The following CREB5 variants were observed in gnomAD, a reference collection of about 807,000 sequenced individuals.
CREB5 encodes the protein cAMP responsive element binding protein 5.
A neutral mutation model predicts 57.1 loss-of-function variants in CREB5; 19 were observed. That is an observed-to-expected ratio of 0.33 (90% CI 0.23 to 0.49). The LOEUF (loss-of-function observed/expected upper bound fraction) is 0.49, where lower values mean the gene tolerates loss of function less well. Ranked by LOEUF, CREB5 falls within the 20% of genes least tolerant of loss-of-function variation. CREB5 has a pLI of 0.99. For synonymous variants in CREB5, 238 were observed against 238.3 expected, an observed-to-expected ratio of 1.00 and a Z score of 0.01; for missense variants, 579 against 671.6, an observed-to-expected ratio of 0.86 and a Z score of 1.52.
At chr7:28,732,554 G>GA (rs905619050) in intron 7 of CREB5, among the ~76,000 whole-genome samples, 22 of 150,222 alleles carry the variant, frequency 1.5e-4, no homozygotes, top group African/African-American at 2.2e-4. Context: ...GAAAAGCCAG[G>GA]AAAAAAAAAG....
chr7:28,691,420 C>CAAAA (rs60338671), intron 5 of CREB5, among the ~76,000 whole-genome samples: 5 of 92,548 alleles, frequency 5.4e-5, no homozygotes, highest in African/African-American at 1.1e-4. Context: ...ACTCTGTCTC[C>CAAAA]AAAAAAAAAA....
intron 9 of CREB5, among the ~76,000 whole-genome samples, chr7:28,812,366 G>A (rs1488670187): frequency 1.3e-5 from 2 of 152,312 alleles, no homozygotes; most frequent in Middle Eastern, 3.4e-3. Flanking sequence ...AGAGGTGTTC[G>A]TGACTTGGCA....
chr7:28,376,250 A>G (rs1786821275), intron 1 of CREB5, among the ~76,000 whole-genome samples: 1 of 149,302 alleles, frequency 6.7e-6, no homozygotes, highest in Non-Finnish European at 1.5e-5. Flanking sequence ...TAGCACTTTC[A>G]GGAGTTCTTC....
intron 7 of CREB5, among the ~76,000 whole-genome samples, chr7:28,787,822 G>A (rs934104590): frequency 2.0e-5 from 3 of 152,118 alleles, no homozygotes; most frequent in African/African-American, 7.2e-5. Flanking sequence ...CCAAAGTGCT[G>A]GGATTACAGG....
At chr7:28,380,363 A>G (rs1786943207) in intron 1 of CREB5, among the ~76,000 whole-genome samples, 2 of 151,952 alleles carry the variant, frequency 1.3e-5, no homozygotes, top group Non-Finnish European at 2.9e-5. Context: ...TTTGCTGCCT[A>G]CTCCACTGTG....
chr7:28,532,886 C>G (rs1292514337), intron 4 of CREB5, among the ~76,000 whole-genome samples: 1 of 152,186 alleles, frequency 6.6e-6, no homozygotes, highest in Non-Finnish European at 1.5e-5. Context: ...GCACCAACCC[C>G]TTAGACAAGA....
At chr7:28,790,547 T>C (rs945185010) in intron 7 of CREB5, among the ~76,000 whole-genome samples, 5 of 151,804 alleles carry the variant, frequency 3.3e-5, no homozygotes, top group African/African-American at 4.8e-5. Context: ...AGGCACTGAA[T>C]CAGTACCAAG....
At chr7:28,620,655 A>C (rs1797759032) in intron 5 of CREB5, among the ~76,000 whole-genome samples, 2 of 152,172 alleles carry the variant, frequency 1.3e-5, no homozygotes, top group African/African-American at 4.8e-5. Context: ...AACTGGCCTC[A>C]GGCTCGCCCC....
chr7:28,756,549 T>A (rs1473178234), intron 7 of CREB5, among the ~76,000 whole-genome samples: 2 of 125,164 alleles, frequency 1.6e-5, no homozygotes, highest in Non-Finnish European at 3.5e-5. Flanking sequence ...AGAGGGGAAT[T>A]CCATCTCCAA....
upstream of CREB5, among the ~76,000 whole-genome samples, chr7:28,408,881 G>A (rs552267102): frequency 1.3e-5 from 2 of 152,050 alleles, no homozygotes; most frequent in Non-Finnish European, 2.9e-5. Context: ...ATCCTCCGGT[G>A]GGGGAGGGAG....
At chr7:28,356,934 G>T (rs192495704) in intron 1 of CREB5, among the ~76,000 whole-genome samples, 1 of 152,282 alleles carries the variant, frequency 6.6e-6, no homozygotes, top group Non-Finnish European at 1.5e-5. Flanking sequence ...CATAAAGAAG[G>T]GCAACATGGA....
intron 7 of CREB5, among the ~76,000 whole-genome samples, chr7:28,752,843 AAGAAGAAAT>A (rs901016362): frequency 2.0e-5 from 3 of 152,190 alleles, no homozygotes; most frequent in Non-Finnish European, 4.4e-5. Context: ...AGGTCACTGA[AAGAAGAAAT>A]AGAGCTTAAA....
rs998133733 is a variant in CREB5, at chr7:28,824,245, T to G, written c.*4966T>G. 3 of 152,624 alleles carry G rather than the reference T, an allele frequency of 2.0e-5. No homozygotes were observed. The highest frequency in any genetic ancestry group is 7.2e-5 in the African/African-American group (3 of 41,458). 9.5% of individuals were successfully genotyped at this position (152,624 alleles called of 1,614,324 possible). On this transcript the variant is annotated 3_prime_UTR_variant, in exon 11 of 11. Coordinates refer to ENST00000357727, the MANE Select transcript of CREB5 (RefSeq NM_182898.4). Reference sequence around the variant, plus strand: ...TGGTTTATACTCTTTATCCCTTTATTCATAGCATGTTTTTTAAAAATGTTA... The same window carrying G: ...TGGTTTATACTCTTTATCCCTTTATGCATAGCATGTTTTTTAAAAATGTTA...
chr7:28,597,818 GA>G (rs770029705), intron 5 of CREB5, among the ~76,000 whole-genome samples: 3 of 152,128 alleles, frequency 2.0e-5, no homozygotes, highest in Non-Finnish European at 4.4e-5. Context: ...AAGCATGGGA[GA>G]ACAAAACAGG....
chr7:28,730,790 A>T (rs1265798260), intron 7 of CREB5, among the ~76,000 whole-genome samples: 1 of 152,152 alleles, frequency 6.6e-6, no homozygotes, highest in Admixed American at 6.5e-5. Context: ...AGGTTAAGTG[A>T]CTTTTCCAGG....
rs1199767720 is a variant in CREB5, at chr7:28,820,665, T to C, written c.*1386T>C. On this transcript the variant is annotated 3_prime_UTR_variant, in exon 11 of 11. Transcript: ENST00000357727. ...TATTGCCCAGACTGAAGTGCAGTGGTGCGATCATGGATCACTGCAGCAGCA... is the reference window on the plus strand; with the variant it reads ...TATTGCCCAGACTGAAGTGCAGTGGCGCGATCATGGATCACTGCAGCAGCA... 7.3e-6 allele frequency: 1 copy of C among 136,800 alleles called. No homozygotes were observed. The highest frequency in any genetic ancestry group is 2.8e-5 in the African/African-American group (1 of 35,594). The allele number at this position is 136,800 out of a possible 1,614,324, so 8.5% of individuals were successfully genotyped here.
chr7:28,577,635 G>A (rs1256246069), intron 5 of CREB5, among the ~76,000 whole-genome samples: 2 of 152,142 alleles, frequency 1.3e-5, no homozygotes, highest in South Asian at 2.1e-4. Flanking sequence ...GCCAGAACTC[G>A]AATCCAGACC....
chr7:28,319,567 C>T (rs924666323), intron 1 of CREB5, among the ~76,000 whole-genome samples: 10 of 152,086 alleles, frequency 6.6e-5, no homozygotes, highest in African/African-American at 2.4e-4. Flanking sequence ...CACACAGTGC[C>T]TTTCGGTGTT....
intron 4 of CREB5, among the ~76,000 whole-genome samples, chr7:28,534,408 G>A (rs1793868175): frequency 6.6e-6 from 1 of 152,220 alleles, no homozygotes; most frequent in African/African-American, 2.4e-5. Context: ...CCCAGTGGAG[G>A]AGAAGGGCTG....
Sources: allele counts gnomAD v4.1 joint callset (sites outside exome capture counted in the v4.1 genomes callset), GRCh38; gene constraint gnomAD v4.1.1; transcripts MANE v1.5; gene names NCBI Gene and HGNC (gene_info 2026-07-23, HGNC 2026-07-21).